ZNF618: variants seen among roughly 807,000 people sequenced by gnomAD.
The protein encoded by ZNF618 is zinc finger protein 618, also known as neural precursor cell expressed, developmentally down-regulated 10.
ZNF618 carries 34 observed loss-of-function variants against 103.0 expected under a neutral mutation model. That is an observed-to-expected ratio of 0.33 (90% CI 0.25 to 0.44). ZNF618 has a LOEUF of 0.44. Among genes scored for constraint, ZNF618 ranks in the 20% least tolerant of loss-of-function variants. The pLI, the probability that ZNF618 is intolerant of heterozygous loss-of-function variation, is 1.00. For synonymous variants in ZNF618, 551 were observed against 542.2 expected (o/e 1.02, Z -0.23); for missense variants, 1,059 against 1,295.4 (o/e 0.82, Z 2.80).
chr9:113,902,020 C>G (rs963559126), intron 1 of ZNF618, among the ~76,000 whole-genome samples: 1 of 152,086 alleles, frequency 6.6e-6, no homozygotes, highest in Non-Finnish European at 1.5e-5. Context: ...AATACAGACT[C>G]TCTTTCTGAC....
chr9:114,008,153 T>C (rs886140986), intron 7 of ZNF618, among the ~76,000 whole-genome samples, 191 bp from the exon 8 acceptor site: 2 of 152,240 alleles, frequency 1.3e-5, no homozygotes, highest in Admixed American at 1.3e-4. Flanking sequence ...TGTGTCCTGG[T>C]TGGGATGTAT....
At chr9:113,979,316 C>T (rs1007507836) in intron 2 of ZNF618, among the ~76,000 whole-genome samples, 4 of 152,166 alleles carry the variant, frequency 2.6e-5, no homozygotes, top group Admixed American at 1.3e-4. Context: ...CGACCCTGCA[C>T]CCTCAAGAGA....
At chr9:113,884,828 C>T (rs969383987) in intron 1 of ZNF618, among the ~76,000 whole-genome samples, 2 of 149,976 alleles carry the variant, frequency 1.3e-5, no homozygotes, top group Non-Finnish European at 3.0e-5. Flanking sequence ...GAAACTGAGG[C>T]CTTGGGAAGA....
intron 13 of ZNF618, among the ~76,000 whole-genome samples, chr9:114,039,202 C>T (rs1588434294): frequency 6.6e-6 from 1 of 152,162 alleles, no homozygotes; most frequent in South Asian, 2.1e-4. Flanking sequence ...TCTCTTTCAG[C>T]CTCCGCGTTA....
At chr9:113,896,353 C>G (rs947751608) in intron 1 of ZNF618, among the ~76,000 whole-genome samples, 3 of 152,066 alleles carry the variant, frequency 2.0e-5, no homozygotes, top group African/African-American at 7.2e-5. Flanking sequence ...GTAAGTGTAG[C>G]CTAACGATTA....
intron 1 of ZNF618, among the ~76,000 whole-genome samples, chr9:113,949,847 G>A (rs1322627298): frequency 1.3e-5 from 2 of 152,198 alleles, no homozygotes; most frequent in Admixed American, 1.3e-4. Flanking sequence ...AATTTCCAGC[G>A]AAGTCGCGCC....
intron 1 of ZNF618, among the ~76,000 whole-genome samples, chr9:113,951,020 A>G (rs1324817826): frequency 6.8e-6 from 1 of 147,086 alleles, no homozygotes. Context: ...GGAGGGGGGG[A>G]CAGGATCAGA....
Position 113,883,941 on chromosome 9 carries a change from G to T in ZNF618, c.33+7528G>T, listed in dbSNP as rs1828765011. Among the ~76,000 whole-genome samples the T allele has an allele frequency of 2.1e-5, 3 of 145,452 alleles. No homozygotes were observed. The South Asian group carries it at 6.7e-4, about 33-fold the overall frequency. On this transcript the variant is annotated intron_variant, in intron 1 of 14. Transcript: ENST00000374126. ...CTGGTGGGGAGGACTATGACCTGTG[G>T]GGGCTCCATGCTCTGTTTACCTCAC...
At chr9:113,946,917 C>T (rs752517638) in intron 1 of ZNF618, among the ~76,000 whole-genome samples, 1 of 152,198 alleles carries the variant, frequency 6.6e-6, no homozygotes, top group Non-Finnish European at 1.5e-5. Context: ...GGCTCACCCA[C>T]ATGTTCCCTG....
chr9:114,049,169 A>G lies in ZNF618; in HGVS notation c.1867A>G (p.Thr623Ala). ...TVYVTDCRVS[T>A]SAFSKAGMCL... ...GTACGTGACGGATTGCCGGGTGAGCACGTCCGCCTTCTCCAAGGCCGGCAT... is the reference window on the plus strand; with the variant it reads ...GTACGTGACGGATTGCCGGGTGAGCGCGTCCGCCTTCTCCAAGGCCGGCAT... Residue 623 changes from threonine (T) to alanine (A), a missense_variant, in exon 15 of 15, where the codon ACG becomes GCG. By Grantham distance (58) the Thr-to-Ala change is moderately conservative. This residue lies in a region of ZNF618 where 272 missense variants were observed against 380.1 expected (regional missense o/e 0.72). Coordinates refer to ENST00000374126, the MANE Select transcript of ZNF618 (RefSeq NM_001318042.2). The G allele has an allele frequency of 6.2e-7, 1 of 1,613,806 alleles. No individual in the cohort carries two copies.
At chr9:113,985,321 C>T (rs1839364580) in intron 2 of ZNF618, among the ~76,000 whole-genome samples, 1 of 152,252 alleles carries the variant, frequency 6.6e-6, no homozygotes, top group Non-Finnish European at 1.5e-5. Flanking sequence ...TCCAGTGCTT[C>T]TCTTGACGGG....
In ZNF618 at chr9:114,050,315, T is replaced by A; in HGVS notation, c.*148T>A. The A allele has an allele frequency of 1.1e-6, 1 of 935,082 alleles. No homozygotes were observed. The highest frequency in any genetic ancestry group is 1.6e-6 in the Non-Finnish European group (1 of 641,348). 57.9% of individuals were successfully genotyped at this position (935,082 alleles called of 1,614,324 possible). A position where few individuals can be genotyped will look rare whatever the true frequency, so the allele number is the denominator to read the frequency against. Reference sequence around the variant, plus strand: ...CCTGGAAACTTAAGTGCTTTTTTTATATGTGTGTGTGTGCGTGTATGTACA... The same window carrying A: ...CCTGGAAACTTAAGTGCTTTTTTTAAATGTGTGTGTGTGCGTGTATGTACA... On this transcript the variant is annotated 3_prime_UTR_variant, in exon 15 of 15. Transcript: ENST00000374126.
Position 114,041,770 on chromosome 9 carries a change from C to CTA in ZNF618, c.1246+5393_1246+5394insTA, listed in dbSNP as rs533545399. Among the ~76,000 whole-genome samples the CTA allele has an allele frequency of 8.4e-3, 1,276 of 152,280 alleles. 12 individuals are homozygous for CTA. The highest frequency in any genetic ancestry group is 0.028 in the African/African-American group (1,153 of 41,556). ...TTTGAAGTCAGGTAGTGTGAGGCCTCCAGCTTTGTTCTTTTGCCTTAGGAT... is the reference window on the plus strand; with the variant it reads ...TTTGAAGTCAGGTAGTGTGAGGCCTCTACAGCTTTGTTCTTTTGCCTTAGGAT... On this transcript the variant is annotated intron_variant, in intron 13 of 14. Coordinates refer to ENST00000374126, the MANE Select transcript of ZNF618 (RefSeq NM_001318042.2).
intron 1 of ZNF618, among the ~76,000 whole-genome samples, chr9:113,956,370 C>G (rs1316380584): frequency 6.6e-6 from 1 of 152,164 alleles, no homozygotes; most frequent in Non-Finnish European, 1.5e-5. Context: ...CAGAATCTTT[C>G]TCAACACATG....
chr9:114,016,237 T>A, intron 9 of ZNF618: 2 of 1,453,852 alleles, frequency 1.4e-6, no homozygotes, highest in Non-Finnish European at 9.6e-7. Flanking sequence ...GGGTGGGGGG[T>A]GCTTGGGGGC....
chr9:114,039,631 G>A (rs1271936947), intron 13 of ZNF618, among the ~76,000 whole-genome samples: 7 of 152,278 alleles, frequency 4.6e-5, no homozygotes, highest in East Asian at 3.9e-4. Flanking sequence ...GATTACAGGC[G>A]TGAGCCACCA....
At chr9:113,930,964 A>G (rs1443527743) in intron 1 of ZNF618, among the ~76,000 whole-genome samples, 1 of 152,264 alleles carries the variant, frequency 6.6e-6, no homozygotes, top group Non-Finnish European at 1.5e-5. Context: ...AAATTGTGTG[A>G]TAATTACTCC....
chr9:113,946,519 C>G (rs1343301288), intron 1 of ZNF618, among the ~76,000 whole-genome samples: 4 of 152,126 alleles, frequency 2.6e-5, no homozygotes, highest in Non-Finnish European at 5.9e-5. Context: ...GCCCTTCACT[C>G]CTTCAAGACA....
At chr9:113,993,259 A>G (rs1350747528) in intron 3 of ZNF618, among the ~76,000 whole-genome samples, 1 of 152,180 alleles carries the variant, frequency 6.6e-6, no homozygotes, top group African/African-American at 2.4e-5. Context: ...TCGCTCACCC[A>G]GCCTCGCTCC....
Sources: allele counts gnomAD v4.1 joint callset (sites outside exome capture counted in the v4.1 genomes callset), GRCh38; gene constraint gnomAD v4.1.1; regional missense constraint gnomAD v4.1.1; transcripts MANE v1.5; gene names NCBI Gene and HGNC (gene_info 2026-07-23, HGNC 2026-07-21).